Variants in PCLO observed in about 807,000 individuals in gnomAD.
The protein encoded by PCLO is piccolo presynaptic cytomatrix protein, also known as protein piccolo.
A neutral mutation model predicts 427.5 loss-of-function variants in PCLO; 82 were observed. That is an observed-to-expected ratio of 0.19 (90% CI 0.16 to 0.23). PCLO has a LOEUF of 0.23. Ranked by LOEUF, PCLO falls within the 10% of genes least tolerant of loss-of-function variation. The probability of loss-of-function intolerance (pLI) is 1.00; values close to 1 mark genes in which losing one functional copy is unlikely to be tolerated. For synonymous variants in PCLO, 2,357 were observed against 2,155.4 expected, an observed-to-expected ratio of 1.09 and a Z score of -2.59; for missense variants, 6,239 against 6,115.9, an observed-to-expected ratio of 1.02 and a Z score of -0.67.
chr7:82,779,534 CT>C (rs1185492294), intron 22 of PCLO, among the ~76,000 whole-genome samples: 3 of 151,928 alleles, frequency 2.0e-5, no homozygotes, highest in Non-Finnish European at 4.4e-5. Context: ...TTTCATTGTA[CT>C]TTTTCTACTC....
At position 82,855,774 on chromosome 7, in the gene PCLO, A is replaced by G. The variant is rs970647733; in HGVS notation, c.13655-8527T>C. On this transcript the variant is annotated intron_variant, in intron 10 of 24. Transcript: ENST00000333891. Reference sequence around the variant, plus strand: ...GGAGATTGATGAAAAATTATGCTGAATCTTACTGGGAAGAAAAATAATGTA... The same window carrying G: ...GGAGATTGATGAAAAATTATGCTGAGTCTTACTGGGAAGAAAAATAATGTA... Among the ~76,000 whole-genome samples the G allele has an allele frequency of 2.0e-5, 3 of 152,102 alleles. No individual in the cohort carries two copies. In the East Asian group the frequency reaches 5.8e-4, roughly 29 times the overall value.
At chr7:83,148,384 G>A (rs1183544884) in intron 2 of PCLO, among the ~76,000 whole-genome samples, 1 of 152,066 alleles carries the variant, frequency 6.6e-6, no homozygotes, top group African/African-American at 2.4e-5. Context: ...CTCACCATAT[G>A]TTTTATTTAT....
chr7:82,810,175 T>G (rs1791539888), intron 20 of PCLO, among the ~76,000 whole-genome samples: 1 of 151,556 alleles, frequency 6.6e-6, no homozygotes, highest in Non-Finnish European at 1.5e-5. Flanking sequence ...AAATAATATT[T>G]TAAACACACT....
chr7:82,911,046 G>C (rs1794308370), intron 7 of PCLO, among the ~76,000 whole-genome samples: 1 of 151,930 alleles, frequency 6.6e-6, no homozygotes. Context: ...TTTCTTAATT[G>C]CATTTTAAAT....
chr7:83,064,203 TAC>T (rs1789608084), intron 3 of PCLO, among the ~76,000 whole-genome samples: 1 of 151,954 alleles, frequency 6.6e-6, no homozygotes, highest in Non-Finnish European at 1.5e-5. Context: ...CACTTAAATA[TAC>T]CATAAGAGAG....
chr7:82,912,120 A>G (rs1201792419), intron 7 of PCLO, among the ~76,000 whole-genome samples: 1 of 152,140 alleles, frequency 6.6e-6, no homozygotes, highest in African/African-American at 2.4e-5. Flanking sequence ...GAAAGCAATT[A>G]AATTTGTTTT....
chr7:82,758,819 G>A (rs1790371680), intron 24 of PCLO, 104 bp from the exon 25 acceptor site: 5 of 648,730 alleles, frequency 7.7e-6, no homozygotes, highest in South Asian at 6.2e-5. Context: ...GACATAGCAC[G>A]AAAGAGGGTG....
At chr7:82,969,204 T>C (rs1021454960) in intron 3 of PCLO, among the ~76,000 whole-genome samples, 3 of 152,176 alleles carry the variant, frequency 2.0e-5, no homozygotes, top group African/African-American at 7.2e-5. Context: ...TTCCTATAAT[T>C]TGAAATTTAG....
chr7:83,159,472 C>A (rs1792379987), intron 1 of PCLO, among the ~76,000 whole-genome samples: 1 of 151,884 alleles, frequency 6.6e-6, no homozygotes, highest in Non-Finnish European at 1.5e-5. Flanking sequence ...TCTGGGTCTA[C>A]AATGAACAAA....
chr7:82,860,330 A>T (rs1792921022), intron 10 of PCLO, among the ~76,000 whole-genome samples: 1 of 152,122 alleles, frequency 6.6e-6, no homozygotes, highest in East Asian at 1.9e-4. Context: ...AAAAAATAAC[A>T]TACAATACAG....
At chr7:82,776,608 A>G (rs1224438078) in intron 22 of PCLO, among the ~76,000 whole-genome samples, 1 of 152,230 alleles carries the variant, frequency 6.6e-6, no homozygotes, top group East Asian at 1.9e-4. Flanking sequence ...CATCTTGCCC[A>G]ACATGGTGAA....
intron 20 of PCLO, chr7:82,822,193 C>T (rs1437981574): frequency 4.2e-6 from 5 of 1,185,802 alleles, no homozygotes; most frequent in African/African-American, 1.6e-5. Context: ...AAAAAGGACA[C>T]ACAACATTGC....
Position 82,955,938 on chromosome 7 carries a change from A to G in PCLO, c.5015T>C (p.Leu1672Pro). The G allele has an allele frequency of 6.2e-7, 1 of 1,613,694 alleles. No individual in the cohort carries two copies. Among genetic ancestry groups the G allele is most frequent in the Non-Finnish European group, 8.5e-7 (1 of 1,179,848 alleles). Residue 1672 changes from leucine (L) to proline (P), a missense_variant, in exon 5 of 25, where the codon CTC becomes CCC. Around this residue, in one of 5 missense-constraint regions of PCLO, gnomAD observed 4,677 missense variants for 4,468.4 expected, o/e 1.05. Coordinates refer to ENST00000333891, the MANE Select transcript of PCLO (RefSeq NM_033026.6). ...ATATTTATCTGCTATTGTACTGTTGAGCTCAATTGTTTTAAATCGGCGTAG... is the reference window on the plus strand; with the variant it reads ...ATATTTATCTGCTATTGTACTGTTGGGCTCAATTGTTTTAAATCGGCGTAG... Reference protein sequence around the residue: ...GGLRRFKTIELNSTIADKYSA... With the variant: ...GGLRRFKTIEPNSTIADKYSA...
intron 24 of PCLO, among the ~76,000 whole-genome samples, chr7:82,758,950 GAC>G (rs1156825890): frequency 6.6e-6 from 1 of 151,806 alleles, no homozygotes; most frequent in Non-Finnish European, 1.5e-5. Flanking sequence ...CAAAGGAAAA[GAC>G]ACATTCTGAA....
At chr7:83,134,204 T>C in intron 3 of PCLO, 46 bp downstream of exon 3, 1 of 587,884 alleles carries the variant, frequency 1.7e-6, no homozygotes, top group Non-Finnish European at 2.4e-6. Flanking sequence ...ACCCACAGAC[T>C]CACCTCCATA....
In PCLO at chr7:82,952,568, C is replaced by T; in HGVS notation, c.8385G>A (p.Val2795=). 1 of 1,613,892 alleles carries T rather than the reference C, an allele frequency of 6.2e-7. No homozygotes were observed. Among genetic ancestry groups the T allele is most frequent in the Non-Finnish European group, 8.5e-7 (1 of 1,179,848 alleles). ...VTPVSLATET[V]TFVTCTASAS... Reference sequence around the variant, plus strand: ...CACTAGCTGTGCATGTGACAAAGGTCACTGTCTCAGTGGCCAGAGATACAG... The same window carrying T: ...CACTAGCTGTGCATGTGACAAAGGTTACTGTCTCAGTGGCCAGAGATACAG... Residue 2795 remains valine, a synonymous_variant, in exon 5 of 25, where the codon GTG becomes GTA. Coordinates refer to ENST00000333891, the MANE Select transcript of PCLO (RefSeq NM_033026.6).
At chr7:82,951,660 T>C (rs933372146) in intron 5 of PCLO, among the ~76,000 whole-genome samples, 170 bp from the exon 6 acceptor site, 4 of 151,172 alleles carry the variant, frequency 2.6e-5, no homozygotes, top group African/African-American at 9.9e-5. Flanking sequence ...GCGCATGCAG[T>C]GATTTTGAGC....
intron 2 of PCLO, among the ~76,000 whole-genome samples, chr7:83,150,407 G>A (rs898698433): frequency 3.3e-5 from 5 of 152,214 alleles, no homozygotes; most frequent in African/African-American, 1.2e-4. Context: ...CTTAAGGTTT[G>A]TTTGGAACAG....
At chr7:82,874,108 A>G (rs1005007402) in intron 10 of PCLO, among the ~76,000 whole-genome samples, 1 of 152,030 alleles carries the variant, frequency 6.6e-6, no homozygotes, top group Admixed American at 6.6e-5. Context: ...ATATCGTTTT[A>G]TTTGCTTCAC....
Sources: allele counts gnomAD v4.1 joint callset (sites outside exome capture counted in the v4.1 genomes callset), GRCh38; gene constraint gnomAD v4.1.1; regional missense constraint gnomAD v4.1.1; transcripts MANE v1.5; gene names NCBI Gene and HGNC (gene_info 2026-07-23, HGNC 2026-07-21).